Variants in VWC2L observed in about 807,000 individuals in gnomAD.
VWC2L encodes the protein von Willebrand factor C domain-containing protein 2-like.
In VWC2L, 10 loss-of-function variants were observed where a neutral mutation model predicts 21.6. The ratio of observed to expected loss-of-function variants is 0.46; its 90% CI spans 0.29 to 0.78. VWC2L has a LOEUF of 0.78. Ranked by LOEUF, VWC2L falls within the 30% of genes least tolerant of loss-of-function variation. The pLI is 0.10. For synonymous variants in VWC2L, 96 were observed against 94.3 expected, an observed-to-expected ratio of 1.02 and a Z score of -0.10; for missense variants, 209 against 277.1, an observed-to-expected ratio of 0.75 and a Z score of 1.74.
intron 3 of VWC2L, among the ~76,000 whole-genome samples, chr2:214,470,161 G>T (rs1187253764): frequency 2.0e-5 from 3 of 151,544 alleles, no homozygotes; most frequent in African/African-American, 7.3e-5. Flanking sequence ...AGAAAAGCTG[G>T]ATGCATAAGG....
intron 3 of VWC2L, among the ~76,000 whole-genome samples, chr2:214,492,720 CA>C: frequency 6.6e-6 from 1 of 152,298 alleles, no homozygotes; most frequent in East Asian, 1.9e-4. Flanking sequence ...TTTAAACAAT[CA>C]TTTTTTTTCT....
At chr2:214,540,578 A>G (rs1312841113) in intron 3 of VWC2L, among the ~76,000 whole-genome samples, 4 of 152,198 alleles carry the variant, frequency 2.6e-5, no homozygotes, top group African/African-American at 9.6e-5. Flanking sequence ...CTGCACCAGG[A>G]TGGAAGGCTT....
intron 3 of VWC2L, among the ~76,000 whole-genome samples, chr2:214,499,831 GC>G (rs1688866792): frequency 2.0e-5 from 3 of 152,124 alleles, no homozygotes. Context: ...TATTCATTGA[GC>G]CACTACAAAG....
At chr2:214,414,854 TTTC>T (rs1702331455) in intron 2 of VWC2L, 1 of 413,562 alleles carries the variant, frequency 2.4e-6, no homozygotes, top group Admixed American at 4.4e-5. Flanking sequence ...CCCTTAAACA[TTTC>T]TTCTCTGTTA....
At chr2:214,421,798 C>T (rs551043316) in intron 2 of VWC2L, among the ~76,000 whole-genome samples, 45 of 149,492 alleles carry the variant, frequency 3.0e-4, no homozygotes, top group African/African-American at 1.1e-3. Flanking sequence ...AAAAAATTGC[C>T]TATTTTTAAT....
intron 3 of VWC2L, among the ~76,000 whole-genome samples, chr2:214,572,196 A>G (rs1574643727): frequency 6.6e-6 from 1 of 152,210 alleles, no homozygotes; most frequent in South Asian, 2.1e-4. Context: ...AGTGTGTTCA[A>G]TTCATTGAGA....
chr2:214,472,995 A>G (rs574068390), intron 3 of VWC2L, among the ~76,000 whole-genome samples: 17 of 152,350 alleles, frequency 1.1e-4, no homozygotes, highest in African/African-American at 3.4e-4. Flanking sequence ...CAATAGCTTA[A>G]AGATATTATA....
At chr2:214,543,763 C>T (rs1689663420) in intron 3 of VWC2L, among the ~76,000 whole-genome samples, 1 of 152,092 alleles carries the variant, frequency 6.6e-6, no homozygotes, top group East Asian at 1.9e-4. Context: ...CCTCTCAAAG[C>T]CAAACTGGTT....
intron 3 of VWC2L, among the ~76,000 whole-genome samples, chr2:214,533,631 G>A (rs538734881): frequency 2.6e-5 from 4 of 151,894 alleles, no homozygotes; most frequent in East Asian, 3.9e-4. Flanking sequence ...AGACACAGTT[G>A]TTATTCCTAT....
At position 214,506,168 on chromosome 2, in the gene VWC2L, A is replaced by C. The variant is rs148113866; in HGVS notation, c.520+69410A>C. 6.8e-3 allele frequency among the ~76,000 whole-genome samples: 1,038 copies of C among 152,340 alleles called. 14 individuals are homozygous for C. Among genetic ancestry groups the C allele is most frequent in the South Asian group, 0.029 (141 of 4,830 alleles). On this transcript the variant is annotated intron_variant, in intron 3 of 3. Coordinates refer to ENST00000312504, the MANE Select transcript of VWC2L (RefSeq NM_001080500.4). ...AAGGCTGTTTCCTATCGACATATTT[A>C]AGCTTCATCCTTCCACTTTAAAGAT... is the stretch of plus-strand genomic sequence containing the variant.
intron 3 of VWC2L, among the ~76,000 whole-genome samples, chr2:214,471,435 T>C (rs1386418842): frequency 1.3e-5 from 2 of 152,214 alleles, no homozygotes; most frequent in African/African-American, 4.8e-5. Flanking sequence ...ATTAAAAATG[T>C]AAAAGGTAAA....
At chr2:214,491,437 C>T (rs1419553107) in intron 3 of VWC2L, among the ~76,000 whole-genome samples, 1 of 152,106 alleles carries the variant, frequency 6.6e-6, no homozygotes, top group Non-Finnish European at 1.5e-5. Context: ...AGAAGAGAGA[C>T]TAAATCCCAA....
At chr2:214,536,431 G>A (rs1376192693) in intron 3 of VWC2L, among the ~76,000 whole-genome samples, 1 of 152,044 alleles carries the variant, frequency 6.6e-6, no homozygotes, top group Non-Finnish European at 1.5e-5. Context: ...TTTTCAGCCA[G>A]CTAGGAAATT....
chr2:214,485,003 T>G (rs1226688442), intron 3 of VWC2L, among the ~76,000 whole-genome samples: 1 of 152,166 alleles, frequency 6.6e-6, no homozygotes, highest in Non-Finnish European at 1.5e-5. Context: ...ACGTGAAGAA[T>G]AAACACTTCT....
At chr2:214,431,926 C>G (rs1702605973) in intron 2 of VWC2L, among the ~76,000 whole-genome samples, 1 of 152,106 alleles carries the variant, frequency 6.6e-6, no homozygotes, top group African/African-American at 2.4e-5. Flanking sequence ...GATTGACTTA[C>G]CTGTGATCTG....
chr2:214,566,149 T>C (rs1263465074), intron 3 of VWC2L, among the ~76,000 whole-genome samples: 1 of 152,200 alleles, frequency 6.6e-6, no homozygotes, highest in Non-Finnish European at 1.5e-5. Flanking sequence ...TATTCCATCA[T>C]TCAAAGCAAA....
intron 3 of VWC2L, among the ~76,000 whole-genome samples, chr2:214,533,798 G>GTT (rs1293439516): frequency 3.9e-5 from 6 of 152,076 alleles, no homozygotes; most frequent in Non-Finnish European, 7.4e-5. Context: ...TGAATTATCT[G>GTT]TATACAGCTT....
intron 3 of VWC2L, among the ~76,000 whole-genome samples, chr2:214,523,805 A>G (rs959903135): frequency 2.6e-5 from 4 of 152,224 alleles, no homozygotes; most frequent in African/African-American, 7.2e-5. Context: ...CTTGCAGTCC[A>G]GCCTGGGTGA....
chr2:214,524,865 G>A (rs956481429), intron 3 of VWC2L, among the ~76,000 whole-genome samples: 8 of 151,574 alleles, frequency 5.3e-5, no homozygotes, highest in African/African-American at 1.9e-4. Flanking sequence ...AAAGTTTAGA[G>A]GAACACACAA....
Sources: gnomAD v4.1 joint callset for allele counts (sites outside exome capture counted in the v4.1 genomes callset) on GRCh38, gnomAD v4.1.1 for gene constraint, MANE v1.5 for transcripts, NCBI Gene and HGNC (gene_info 2026-07-23, HGNC 2026-07-21) for gene names.